The following FAM171A1 variants were observed in gnomAD, a reference collection of about 807,000 sequenced individuals.
The protein encoded by FAM171A1 is family with sequence similarity 171 member A1.
In FAM171A1, 23 loss-of-function variants were observed where a neutral mutation model predicts 74.9. The observed-to-expected ratio is 0.31, with a 90% CI of 0.22 to 0.44. The LOEUF is 0.44. Ranked by LOEUF, FAM171A1 falls within the 20% of genes least tolerant of loss-of-function variation. FAM171A1 has a pLI of 1.00. For synonymous variants in FAM171A1, 527 were observed against 505.7 expected (o/e 1.04, Z -0.57); for missense variants, 1,162 against 1,159.2 (o/e 1.00, Z -0.03).
At chr10:15,350,060 C>T (rs575871602) in intron 1 of FAM171A1, among the ~76,000 whole-genome samples, 17 of 152,138 alleles carry the variant, frequency 1.1e-4, no homozygotes, top group African/African-American at 1.7e-4. Flanking sequence ...ACACGGCACC[C>T]GGTTCACAGA....
Position 15,220,956 on chromosome 10 carries a change from G to A in FAM171A1, c.859C>T (p.Pro287Ser). Residue 287 changes from proline (P) to serine (S), a missense_variant, in exon 6 of 8, where the codon CCT (proline) becomes TCT (serine). Coordinates refer to ENST00000378116, the MANE Select transcript of FAM171A1 (RefSeq NM_001010924.2). ...GGCTCCGTGTTACCTGGGATGGGAG[G>A]GGACATGGCGGCCACCCAGTACCCC... ...QLGYWVAAMSPPIPGPVVTQD... is the reference protein window; with the variant it reads ...QLGYWVAAMSSPIPGPVVTQD... The A allele has an allele frequency of 6.2e-7, 1 of 1,613,302 alleles. No homozygotes were observed. Among genetic ancestry groups the A allele is most frequent in the South Asian group, 1.1e-5 (1 of 90,934 alleles).
chr10:15,232,855 C>T (rs10906866), intron 5 of FAM171A1, among the ~76,000 whole-genome samples: 21,871 of 152,254 alleles, frequency 0.14, 1,676 homozygotes, highest in Middle Eastern at 0.18. Flanking sequence ...AAACACTCAA[C>T]TCTACTGAGC....
chr10:15,282,695 T>C (rs1047476541), intron 2 of FAM171A1, among the ~76,000 whole-genome samples: 2 of 152,154 alleles, frequency 1.3e-5, no homozygotes, highest in African/African-American at 4.8e-5. Context: ...GAGTGTCAAA[T>C]GCTTCCTTTA....
chr10:15,275,756 CT>C, intron 3 of FAM171A1, 98 bp downstream of exon 3: 1 of 732,624 alleles, frequency 1.4e-6, no homozygotes, highest in Non-Finnish European at 2.2e-6. Flanking sequence ...ATCAATCCAC[CT>C]TGTATACAAA....
At chr10:15,373,887 T>C (rs961590802), upstream of FAM171A1, among the ~76,000 whole-genome samples, 2 of 152,230 alleles carry the variant, frequency 1.3e-5, no homozygotes, top group African/African-American at 4.8e-5. Flanking sequence ...CAATCTTAAC[T>C]GTATCAAGCT....
chr10:15,247,173 G>C (rs1834445258), intron 5 of FAM171A1, among the ~76,000 whole-genome samples: 1 of 152,174 alleles, frequency 6.6e-6, no homozygotes, highest in African/African-American at 2.4e-5. Context: ...ATATCCACAG[G>C]GTGGAATACT....
intron 1 of FAM171A1, among the ~76,000 whole-genome samples, chr10:15,288,662 C>T (rs1835066912): frequency 6.6e-6 from 1 of 152,142 alleles, no homozygotes; most frequent in Admixed American, 6.5e-5. Flanking sequence ...CGGAGTTCCA[C>T]TCTAATCAAC....
intron 1 of FAM171A1, among the ~76,000 whole-genome samples, chr10:15,288,285 T>C (rs115485715): frequency 2.1e-3 from 324 of 152,250 alleles, no homozygotes; most frequent in African/African-American, 7.4e-3. Flanking sequence ...ATACCGGTAG[T>C]GGGATTGATG....
At chr10:15,341,440 C>T (rs567168635) in intron 1 of FAM171A1, among the ~76,000 whole-genome samples, 1 of 152,232 alleles carries the variant, frequency 6.6e-6, no homozygotes, top group Admixed American at 6.5e-5. Context: ...ATCTTTAAAA[C>T]GTTATTCGAG....
intron 1 of FAM171A1, among the ~76,000 whole-genome samples, chr10:15,342,599 A>C (rs903926108): frequency 6.6e-6 from 1 of 151,860 alleles, no homozygotes; most frequent in Non-Finnish European, 1.5e-5. Flanking sequence ...AAAACACATA[A>C]CGGGTGTTGC....
chr10:15,286,557 C>T (rs1321079976), intron 1 of FAM171A1, among the ~76,000 whole-genome samples: 1 of 152,190 alleles, frequency 6.6e-6, no homozygotes, highest in Non-Finnish European at 1.5e-5. Context: ...GCTGGGATTA[C>T]AGGCATGATC....
intron 1 of FAM171A1, among the ~76,000 whole-genome samples, chr10:15,305,124 A>G (rs1835277715): frequency 6.6e-6 from 1 of 152,240 alleles, no homozygotes; most frequent in Non-Finnish European, 1.5e-5. Flanking sequence ...ATAATTTAAA[A>G]TAGTAGATGA....
In FAM171A1 at chr10:15,212,808, C is replaced by T. The variant is rs945745185; in HGVS notation, c.*107G>A. The T allele has an allele frequency of 1.4e-6, 2 of 1,425,114 alleles. No homozygotes were observed. The highest frequency in any genetic ancestry group is 9.5e-7 in the Non-Finnish European group (1 of 1,049,936). The allele number at this position is 1,425,114 out of a possible 1,614,324, so 88.3% of individuals were successfully genotyped here. A position where few individuals can be genotyped will look rare whatever the true frequency, so the allele number is the denominator to read the frequency against. ...GAATGCAGTAAACGTCCACGTCCGT[C>T]CCACGGCTGGGCTGCCGTTCCGTTT... On this transcript the variant is annotated 3_prime_UTR_variant, in exon 8 of 8. Coordinates refer to ENST00000378116, the MANE Select transcript of FAM171A1 (RefSeq NM_001010924.2).
intron 5 of FAM171A1, among the ~76,000 whole-genome samples, chr10:15,223,218 G>C (rs1289176542): frequency 6.6e-6 from 1 of 152,150 alleles, no homozygotes; most frequent in East Asian, 1.9e-4. Flanking sequence ...TTTCTCTGAT[G>C]GTAAGAAAGC....
intron 1 of FAM171A1, among the ~76,000 whole-genome samples, chr10:15,310,930 G>T (rs1835353013): frequency 1.3e-5 from 2 of 152,100 alleles, no homozygotes; most frequent in African/African-American, 4.8e-5. Flanking sequence ...TGGCAGGATG[G>T]ACCCCAAGCA....
intron 1 of FAM171A1, among the ~76,000 whole-genome samples, chr10:15,362,329 T>A (rs1199373921): frequency 6.6e-6 from 1 of 152,242 alleles, no homozygotes; most frequent in African/African-American, 2.4e-5. Context: ...CTTTTAGGAA[T>A]CCTGAGTGAT....
intron 5 of FAM171A1, among the ~76,000 whole-genome samples, chr10:15,232,699 C>T (rs1218739651): frequency 6.6e-6 from 1 of 152,190 alleles, no homozygotes; most frequent in Non-Finnish European, 1.5e-5. Context: ...ATTCCCAGAT[C>T]AGCCCATCAT....
At chr10:15,353,489 C>A (rs367550648) in intron 1 of FAM171A1, among the ~76,000 whole-genome samples, 27 of 152,232 alleles carry the variant, frequency 1.8e-4, no homozygotes, top group African/African-American at 6.0e-4. Flanking sequence ...CCTAAATAGA[C>A]GTATGGCTCT....
chr10:15,223,956 A>G (rs1834072383), intron 5 of FAM171A1, among the ~76,000 whole-genome samples: 1 of 152,194 alleles, frequency 6.6e-6, no homozygotes, highest in African/African-American at 2.4e-5. Flanking sequence ...ATTTGGGACA[A>G]GCCTAGTGGG....
Sources: gnomAD v4.1 joint callset for allele counts (sites outside exome capture counted in the v4.1 genomes callset) on GRCh38, gnomAD v4.1.1 for gene constraint, MANE v1.5 for transcripts, NCBI Gene and HGNC (gene_info 2026-07-23, HGNC 2026-07-21) for gene names.